LCA5: variants seen among roughly 807,000 people sequenced by gnomAD.
LCA5 encodes the protein lebercilin.
In LCA5, 37 loss-of-function variants were observed where a neutral mutation model predicts 53.0. The observed-to-expected ratio is 0.70, with a 90% CI of 0.54 to 0.92. The LOEUF is 0.92. Among genes scored for constraint, LCA5 ranks in the 40% least tolerant of loss-of-function variants. The pLI is 0.00. For missense variants in LCA5, 806 were observed against 790.5 expected (o/e 1.02, Z -0.23); for synonymous variants, 303 against 282.9 (o/e 1.07, Z -0.71).
intron 3 of LCA5, among the ~76,000 whole-genome samples, chr6:79,506,296 C>G (rs1770270291): frequency 6.6e-6 from 1 of 152,142 alleles, no homozygotes; most frequent in African/African-American, 2.4e-5. Context: ...GTGTACCCTA[C>G]AGTTTACTAA....
intron 3 of LCA5, among the ~76,000 whole-genome samples, chr6:79,512,064 T>C (rs762780285): frequency 6.6e-6 from 1 of 152,194 alleles, no homozygotes; most frequent in Non-Finnish European, 1.5e-5. Context: ...ATTTATTAAT[T>C]AGCATTCTGT....
At chr6:79,517,977 C>A (rs868730368) in intron 2 of LCA5, among the ~76,000 whole-genome samples, 8 of 152,154 alleles carry the variant, frequency 5.3e-5, no homozygotes, top group Middle Eastern at 6.8e-3. Flanking sequence ...TTAATGGGTA[C>A]TGTAATTACC....
chr6:79,495,077 G>A (rs925856414), intron 3 of LCA5, among the ~76,000 whole-genome samples: 7 of 152,320 alleles, frequency 4.6e-5, no homozygotes, highest in South Asian at 4.1e-4. Context: ...GCGAGCAAGC[G>A]CGAGCATTAC....
intron 1 of LCA5, among the ~76,000 whole-genome samples, chr6:79,530,068 C>A (rs2127689483): frequency 6.6e-6 from 1 of 151,976 alleles, no homozygotes; most frequent in East Asian, 1.9e-4. Context: ...AACAAACCTG[C>A]ACATTGTGCA....
At position 79,486,758 on chromosome 6, in the gene LCA5, A is replaced by G; in HGVS notation, c.*246T>C. The G allele has an allele frequency of 2.4e-6, 1 of 411,274 alleles. No individual in the cohort carries two copies. The highest frequency in any genetic ancestry group is 3.8e-5 in the South Asian group (1 of 26,402). 25.5% of individuals were successfully genotyped at this position (411,274 alleles called of 1,614,324 possible). A position where few individuals can be genotyped will look rare whatever the true frequency, so the allele number is the denominator to read the frequency against. On this transcript the variant is annotated 3_prime_UTR_variant, in exon 8 of 8. Transcript: ENST00000369846. ...GCCATAGCACTGGATGAAGAGTTAA[A>G]ATCTATTTCATTTTTCAAGACATAT...
chr6:79,513,778 G>GT (rs1254919348), intron 2 of LCA5, 37 bp from the exon 3 acceptor site: 1 of 1,590,652 alleles, frequency 6.3e-7, no homozygotes, highest in Admixed American at 1.7e-5. Context: ...AGTGAAAGCT[G>GT]TACCAAACAC....
intron 3 of LCA5, among the ~76,000 whole-genome samples, chr6:79,512,786 G>T (rs754212360): frequency 2.0e-5 from 3 of 152,076 alleles, no homozygotes; most frequent in Admixed American, 1.3e-4. Context: ...TTTTCATTCG[G>T]GGGAGGAGGT....
intron 1 of LCA5, among the ~76,000 whole-genome samples, chr6:79,522,904 CTTT>C (rs5877662): frequency 6.8e-6 from 1 of 148,018 alleles, no homozygotes; most frequent in Non-Finnish European, 1.5e-5. Context: ...TTGATACTGT[CTTT>C]TTTTTTTTTT....
intron 1 of LCA5, among the ~76,000 whole-genome samples, chr6:79,536,621 G>A (rs1056150040): frequency 6.6e-6 from 1 of 152,032 alleles, no homozygotes; most frequent in Admixed American, 6.5e-5. Flanking sequence ...CATCCCTGAA[G>A]GATGTATAGA....
Position 79,487,494 on chromosome 6 carries a change from TCTC to T in LCA5, c.1601_1603del (p.Gly534del). The T allele has an allele frequency of 6.2e-7, 1 of 1,613,994 alleles. No individual in the cohort carries two copies. ...TCTAACATTTCCTGAATTCTGACCTTCTCCTTTTGGAGTTGAGAAACTGATGTC... is the reference window on the plus strand; with the variant it reads ...TCTAACATTTCCTGAATTCTGACCTTCTTTTGGAGTTGAGAAACTGATGTC... On this transcript the variant is annotated inframe_deletion, in exon 8 of 8. Coordinates refer to ENST00000369846, the MANE Select transcript of LCA5 (RefSeq NM_001122769.3).
intron 3 of LCA5, among the ~76,000 whole-genome samples, chr6:79,502,704 T>A (rs1440993871): frequency 6.6e-6 from 1 of 152,064 alleles, no homozygotes; most frequent in Admixed American, 6.6e-5. Context: ...TTTAAAACTA[T>A]GAAAAAACAC....
At position 79,513,634 on chromosome 6, in the gene LCA5, C is replaced by A. The variant is rs754624675; in HGVS notation, c.298G>T (p.Val100Phe). Residue 100 changes from valine (V) to phenylalanine (F), a missense_variant, in exon 3 of 8, where the codon GTT (valine) becomes TTT (phenylalanine). Val to Phe is a conservative substitution (Grantham distance 50, BLOSUM62 -1). Coordinates refer to ENST00000369846, the MANE Select transcript of LCA5 (RefSeq NM_001122769.3). ...CTTGCAGACAGAATCCGTTTTGTAA[C>A]AAGATCAGTATCTTTCCGAAGTGGC... ...REPLRKDTDL[V>F]TKRILSARLL... 1 of 1,613,862 alleles carries A rather than the reference C, an allele frequency of 6.2e-7. No homozygotes were observed. The highest frequency in any genetic ancestry group is 8.5e-7 in the Non-Finnish European group (1 of 1,179,850).
chr6:79,493,152 C>G (rs1769888173), intron 4 of LCA5, among the ~76,000 whole-genome samples: 1 of 152,040 alleles, frequency 6.6e-6, no homozygotes. Context: ...CTATCTAGAA[C>G]TCATTGATGA....
At chr6:79,535,037 T>C (rs1767070150) in intron 1 of LCA5, among the ~76,000 whole-genome samples, 1 of 152,174 alleles carries the variant, frequency 6.6e-6, no homozygotes, top group Non-Finnish European at 1.5e-5. Context: ...CATTGACATA[T>C]GCTAAAATAA....
chr6:79,510,295 T>C (rs1454096469), intron 3 of LCA5, among the ~76,000 whole-genome samples: 1 of 152,160 alleles, frequency 6.6e-6, no homozygotes, highest in African/African-American at 2.4e-5. Flanking sequence ...TACACATCCA[T>C]AGGCCAAACA....
At chr6:79,493,411 A>G (rs921924038) in intron 4 of LCA5, among the ~76,000 whole-genome samples, 3 of 152,068 alleles carry the variant, frequency 2.0e-5, no homozygotes, top group Admixed American at 2.0e-4. Flanking sequence ...TCAGTGTTTC[A>G]CCTTTTTTGT....
chr6:79,535,467 T>A (rs1269424321), intron 1 of LCA5, among the ~76,000 whole-genome samples: 2 of 152,160 alleles, frequency 1.3e-5, no homozygotes, highest in Non-Finnish European at 2.9e-5. Flanking sequence ...GAAATGTTTT[T>A]CAAGTAAGAT....
At chr6:79,525,154 C>T (rs1483332655) in intron 1 of LCA5, 1 of 152,036 alleles carries the variant, frequency 6.6e-6, no homozygotes, top group African/African-American at 2.4e-5. Flanking sequence ...TCTTCTGATC[C>T]AAGAATTACC....
At chr6:79,498,706 G>T (rs892151803) in intron 3 of LCA5, among the ~76,000 whole-genome samples, 3 of 151,780 alleles carry the variant, frequency 2.0e-5, no homozygotes, top group Non-Finnish European at 4.4e-5. Flanking sequence ...AAAATATTAA[G>T]AAGAATTTTT....
Sources: allele counts gnomAD v4.1 joint callset (sites outside exome capture counted in the v4.1 genomes callset), GRCh38; gene constraint gnomAD v4.1.1; transcripts MANE v1.5; gene names NCBI Gene and HGNC (gene_info 2026-07-23, HGNC 2026-07-21).